ADAMTS12: variants seen among roughly 807,000 people sequenced by gnomAD.
The protein encoded by ADAMTS12 is ADAM metallopeptidase with thrombospondin type 1 motif 12.
Under a neutral mutation model 167.8 loss-of-function variants are expected in ADAMTS12, and 118 were observed. That is an observed-to-expected ratio of 0.70 (90% CI 0.61 to 0.82). The LOEUF (loss-of-function observed/expected upper bound fraction) is 0.82, where lower values mean the gene tolerates loss of function less well. Among genes scored for constraint, ADAMTS12 ranks in the 40% least tolerant of loss-of-function variants. The pLI is 0.00. For missense variants in ADAMTS12, 1,916 were observed against 1,998.8 expected (o/e 0.96, Z 0.79); for synonymous variants, 704 against 716.9 (o/e 0.98, Z 0.29).
At chr5:33,842,344 T>A (rs1001535731) in intron 2 of ADAMTS12, among the ~76,000 whole-genome samples, 71 of 152,316 alleles carry the variant, frequency 4.7e-4, no homozygotes, top group African/African-American at 1.7e-3. Context: ...ATTTAAAAGG[T>A]GCTTTACTTA....
At chr5:33,681,885 G>A (rs950397528) in intron 5 of ADAMTS12, among the ~76,000 whole-genome samples, 11 of 152,152 alleles carry the variant, frequency 7.2e-5, no homozygotes, top group African/African-American at 2.7e-4. Context: ...GATCATGAAA[G>A]TCACCACAGG....
At position 33,530,228 on chromosome 5, in the gene ADAMTS12, G is replaced by GT. The variant is rs552186290; in HGVS notation, c.4607-2863dup. Among the ~76,000 whole-genome samples the GT allele has an allele frequency of 3.8e-3, 584 of 152,210 alleles. 5 individuals are homozygous for GT. The highest frequency in any genetic ancestry group is 0.013 in the African/African-American group (559 of 41,530). On this transcript the variant is annotated intron_variant, in intron 23 of 23. Coordinates refer to ENST00000504830, the MANE Select transcript of ADAMTS12 (RefSeq NM_030955.4). ...GGTGTGAGCCACTGTGCCTGGCCTT[G>GT]TTTTTCTTTTTGTTTCAGATTTTCT...
chr5:33,677,554 C>T (rs557137310), intron 5 of ADAMTS12, among the ~76,000 whole-genome samples: 1 of 152,242 alleles, frequency 6.6e-6, no homozygotes, highest in East Asian at 1.9e-4. Context: ...AGGGGGCCCA[C>T]CAAACAAATT....
rs757832544 is a variant in ADAMTS12, at chr5:33,881,416, C to T, written c.192G>A (p.Gly64=). ...AGTGCAAGCCATATGACAAAAAATG[C>T]CCACTGGCATCTACTCGGACTGGAC... ...VVGPVRVDAS[G]HFLSYGLHYP... The change falls in exon 2 of 24, where the codon GGG becomes GGA. Residue 64 remains glycine, a synonymous_variant. Transcript: ENST00000504830. 7 of 1,614,046 alleles carry T rather than the reference C, an allele frequency of 4.3e-6. No homozygotes were observed. Among genetic ancestry groups the T allele is most frequent in the South Asian group, 2.2e-5 (2 of 91,072 alleles).
intron 2 of ADAMTS12, among the ~76,000 whole-genome samples, chr5:33,854,664 C>T (rs1420192692): frequency 1.3e-5 from 2 of 152,090 alleles, no homozygotes; most frequent in African/African-American, 4.8e-5. Flanking sequence ...TGGGAACTCA[C>T]AAAATAAACC....
Position 33,662,445 on chromosome 5 carries a change from T to A in ADAMTS12, c.916-405A>T, listed in dbSNP as rs145046924. Among the ~76,000 whole-genome samples, 1,004 of 152,320 alleles carry A rather than the reference T, an allele frequency of 6.6e-3. 7 individuals are homozygous for A. The highest frequency in any genetic ancestry group is 0.023 in the African/African-American group (971 of 41,568). ...AAATAAGCAGATTTTCAACAAAAGT[T>A]TTTTCTTCTCATGAGACATCCTGCA... On this transcript the variant is annotated intron_variant, in intron 5 of 23. Transcript: ENST00000504830.
At chr5:33,640,501 G>A (rs1439269793) in intron 11 of ADAMTS12, among the ~76,000 whole-genome samples, 4 of 152,138 alleles carry the variant, frequency 2.6e-5, no homozygotes, top group African/African-American at 9.7e-5. Context: ...AATGAAAATG[G>A]AAATCACATT....
intron 3 of ADAMTS12, among the ~76,000 whole-genome samples, chr5:33,746,907 G>C (rs778040488): frequency 1.3e-5 from 2 of 152,220 alleles, no homozygotes; most frequent in Non-Finnish European, 2.9e-5. Flanking sequence ...AGCTGTTTCA[G>C]CCTGTGCCCA....
intron 16 of ADAMTS12, 35 bp from the exon 17 acceptor site, chr5:33,596,095 A>C (rs778195663): frequency 6.2e-7 from 1 of 1,610,458 alleles, no homozygotes; most frequent in South Asian, 1.1e-5. Context: ...CACATATTGA[A>C]TCCTGAGCCC....
intron 2 of ADAMTS12, among the ~76,000 whole-genome samples, chr5:33,782,740 A>G (rs937600610): frequency 2.0e-5 from 3 of 152,104 alleles, no homozygotes; most frequent in Non-Finnish European, 2.9e-5. Context: ...AAGATATAGT[A>G]ACTATAAATG....
intron 13 of ADAMTS12, among the ~76,000 whole-genome samples, chr5:33,628,610 G>T (rs1488527593): frequency 6.6e-6 from 1 of 152,092 alleles, no homozygotes; most frequent in Non-Finnish European, 1.5e-5. Context: ...ATGCAGATTA[G>T]ACAAACACTG....
intron 2 of ADAMTS12, among the ~76,000 whole-genome samples, chr5:33,800,632 A>AT (rs11325243): frequency 0.035 from 5,363 of 151,404 alleles, 331 homozygotes; most frequent in African/African-American, 0.12. Flanking sequence ...ATTCAAAAGT[A>AT]TTTTTTTTTT....
At chr5:33,791,069 G>C (rs1443226961) in intron 2 of ADAMTS12, among the ~76,000 whole-genome samples, 1 of 152,094 alleles carries the variant, frequency 6.6e-6, no homozygotes, top group Non-Finnish European at 1.5e-5. Context: ...CACTCCAGGA[G>C]ATGGAGGACA....
intron 3 of ADAMTS12, among the ~76,000 whole-genome samples, chr5:33,685,736 C>A (rs1355610551): frequency 6.6e-6 from 1 of 152,098 alleles, no homozygotes; most frequent in East Asian, 1.9e-4. Flanking sequence ...AGATGGTTAA[C>A]CCCTCATTTG....
At chr5:33,591,202 T>A (rs148456345) in intron 17 of ADAMTS12, among the ~76,000 whole-genome samples, 60 of 152,204 alleles carry the variant, frequency 3.9e-4, no homozygotes, top group African/African-American at 1.4e-3. Flanking sequence ...CTCTCTGAGA[T>A]CAAGTAGAAG....
At chr5:33,654,573 C>T (rs1415695665) in intron 7 of ADAMTS12, among the ~76,000 whole-genome samples, 2 of 152,172 alleles carry the variant, frequency 1.3e-5, no homozygotes, top group African/African-American at 2.4e-5. Context: ...TGTCCTGACA[C>T]CACAGGGGTG....
At chr5:33,718,698 T>C (rs1276130439) in intron 3 of ADAMTS12, among the ~76,000 whole-genome samples, 1 of 152,196 alleles carries the variant, frequency 6.6e-6, no homozygotes, top group African/African-American at 2.4e-5. Flanking sequence ...TGACTGCTTT[T>C]CTGGTAAATG....
intron 8 of ADAMTS12, among the ~76,000 whole-genome samples, chr5:33,649,211 C>G (rs1187793609): frequency 2.0e-5 from 3 of 152,190 alleles, no homozygotes; most frequent in African/African-American, 4.8e-5. Flanking sequence ...AATCATTATC[C>G]TACTCTCAAT....
Position 33,676,707 on chromosome 5 carries a change from C to CACACACACAG in ADAMTS12, c.915+6310_915+6311insCTGTGTGTGT, listed in dbSNP as rs879440613. On this transcript the variant is annotated intron_variant, in intron 5 of 23. Transcript: ENST00000504830. ...TTACACACACACACACACACACACACAGAGAGAGAGAGAGAGAGAGAGAAT... is the reference window on the plus strand; with the variant it reads ...TTACACACACACACACACACACACACACACACACAGAGAGAGAGAGAGAGAGAGAGAGAAT... 5.1e-3 allele frequency among the ~76,000 whole-genome samples: 758 copies of CACACACACAG among 149,094 alleles called. 7 individuals carry two copies. Among genetic ancestry groups the CACACACACAG allele is most frequent in the African/African-American group, 0.018 (730 of 39,942 alleles).
Sources: gnomAD v4.1 joint callset for allele counts (sites outside exome capture counted in the v4.1 genomes callset) on GRCh38, gnomAD v4.1.1 for gene constraint, MANE v1.5 for transcripts, NCBI Gene and HGNC (gene_info 2026-07-23, HGNC 2026-07-21) for gene names.